Variants in AMPH observed in about 807,000 individuals in gnomAD.
AMPH encodes the protein amphiphysin.
Under a neutral mutation model 99.1 loss-of-function variants are expected in AMPH, and 49 were observed. That is an observed-to-expected ratio of 0.49 (90% CI 0.39 to 0.63). AMPH has a LOEUF of 0.63. Ranked by LOEUF, AMPH falls within the 20% of genes least tolerant of loss-of-function variation. AMPH has a pLI of 0.00. For synonymous variants in AMPH, 314 were observed against 317.3 expected (o/e 0.99, Z 0.11); for missense variants, 759 against 863.4 (o/e 0.88, Z 1.52).
At chr7:38,437,088 G>C (rs1005700985) in intron 11 of AMPH, among the ~76,000 whole-genome samples, 2 of 152,172 alleles carry the variant, frequency 1.3e-5, no homozygotes, top group Admixed American at 6.5e-5. Context: ...AGCCAAATAA[G>C]ACACAGGACG....
chr7:38,542,607 AT>A (rs1325888127), intron 1 of AMPH, among the ~76,000 whole-genome samples: 3 of 152,258 alleles, frequency 2.0e-5, no homozygotes, highest in East Asian at 3.9e-4. Context: ...TCTGTTCCTG[AT>A]TGCTTTATAC....
At chr7:38,469,366 G>A (rs1452835592) in intron 7 of AMPH, among the ~76,000 whole-genome samples, 1 of 152,030 alleles carries the variant, frequency 6.6e-6, no homozygotes, top group Admixed American at 6.6e-5. Flanking sequence ...ATGTTTCTTT[G>A]TTCTCAGAAA....
At chr7:38,626,726 A>G (rs1392521911) in intron 1 of AMPH, among the ~76,000 whole-genome samples, 4 of 152,244 alleles carry the variant, frequency 2.6e-5, no homozygotes, top group Non-Finnish European at 4.4e-5. Flanking sequence ...GCTTCTGCAC[A>G]GCAAAAGAAA....
intron 1 of AMPH, among the ~76,000 whole-genome samples, chr7:38,553,690 C>A (rs1252411141): frequency 1.3e-5 from 2 of 152,156 alleles, no homozygotes; most frequent in East Asian, 1.9e-4. Context: ...CTTCATGGGG[C>A]CTTGAGTATT....
At chr7:38,566,933 T>C (rs1257774881) in intron 1 of AMPH, among the ~76,000 whole-genome samples, 1 of 152,194 alleles carries the variant, frequency 6.6e-6, no homozygotes, top group Non-Finnish European at 1.5e-5. Context: ...GCTTTTACAC[T>C]GTTGGTGGGC....
chr7:38,471,962 G>A (rs1008816269), intron 7 of AMPH, among the ~76,000 whole-genome samples: 8 of 151,956 alleles, frequency 5.3e-5, no homozygotes, highest in Non-Finnish European at 1.0e-4. Context: ...TAACAAAAGA[G>A]CCCTAAAATA....
Position 38,422,587 on chromosome 7 carries a change from TATCTATCTATCTATCC to T in AMPH, c.1216-126_1216-111del, listed in dbSNP as rs878876425. 7.2e-6 allele frequency: 5 copies of T among 691,934 alleles called. No homozygotes were observed. In the Admixed American group the frequency reaches 7.9e-5, roughly 11 times the overall value. 42.9% of individuals were successfully genotyped at this position (691,934 alleles called of 1,614,324 possible). On this transcript the variant is annotated intron_variant, in intron 15 of 20. Transcript: ENST00000356264. ...CTATCTATCTATCTATCTATCTATC[TATCTATCTATCTATCC>T]ATCTATCTATCGACACTCTATCTAT...
At chr7:38,567,891 A>T (rs967384258) in intron 1 of AMPH, among the ~76,000 whole-genome samples, 6 of 152,176 alleles carry the variant, frequency 3.9e-5, no homozygotes, top group African/African-American at 1.4e-4. Context: ...TTTTGATAGC[A>T]CTTAAAATTA....
chr7:38,528,076 C>T (rs1021838668), intron 2 of AMPH, among the ~76,000 whole-genome samples: 2 of 152,138 alleles, frequency 1.3e-5, no homozygotes, highest in African/African-American at 4.8e-5. Flanking sequence ...AAACCAGCCT[C>T]GCATATCCTG....
intron 17 of AMPH, among the ~76,000 whole-genome samples, chr7:38,394,950 C>T (rs77381589): frequency 3.9e-5 from 6 of 152,214 alleles, no homozygotes; most frequent in Admixed American, 6.5e-5. Flanking sequence ...AAAAAGCACA[C>T]GTCACAGATC....
intron 17 of AMPH, among the ~76,000 whole-genome samples, chr7:38,398,731 A>C (rs1784757288): frequency 6.6e-6 from 1 of 152,248 alleles, no homozygotes; most frequent in Non-Finnish European, 1.5e-5. Context: ...ATGCTTAAGG[A>C]GGTGATAGAT....
At chr7:38,506,270 G>C (rs1273224139) in intron 2 of AMPH, among the ~76,000 whole-genome samples, 1 of 152,202 alleles carries the variant, frequency 6.6e-6, no homozygotes, top group Non-Finnish European at 1.5e-5. Flanking sequence ...GAAATGTGGA[G>C]AGAGGCTGAA....
At chr7:38,549,206 C>T (rs1239093635) in intron 1 of AMPH, among the ~76,000 whole-genome samples, 1 of 152,174 alleles carries the variant, frequency 6.6e-6, no homozygotes, top group African/African-American at 2.4e-5. Flanking sequence ...GTTGTTTTCC[C>T]CTTTTAATGA....
rs1784508096 is a variant in AMPH, at chr7:38,391,892, G to A, written c.1734C>T (p.Thr578=). 1 of 1,612,750 alleles carries A rather than the reference G, an allele frequency of 6.2e-7. No individual in the cohort carries two copies. The highest frequency in any genetic ancestry group is 8.5e-7 in the Non-Finnish European group (1 of 1,179,794). ...CCGTAGCCAGCTCCGGTGTCTCGCTGGTGGGGCCCGGAGGAGCCGCGTCCT... is the reference window on the plus strand; with the variant it reads ...CCGTAGCCAGCTCCGGTGTCTCGCTAGTGGGGCCCGGAGGAGCCGCGTCCT... ...TTEDAAPPGP[T]SETPELATEQ... is the part of the protein sequence containing the mutation. Residue 578 remains threonine, a synonymous_variant, in exon 19 of 21, where the codon ACC becomes ACT. Transcript: ENST00000356264.
At chr7:38,596,866 T>C (rs987753867) in intron 1 of AMPH, among the ~76,000 whole-genome samples, 1 of 152,122 alleles carries the variant, frequency 6.6e-6, no homozygotes, top group East Asian at 1.9e-4. Flanking sequence ...TATCTCTCTG[T>C]TTTCAGCCCA....
In AMPH at chr7:38,384,484, C is replaced by A. The variant is rs188987672; in HGVS notation, c.*334G>T. On this transcript the variant is annotated 3_prime_UTR_variant, in exon 21 of 21. Transcript: ENST00000356264. ...TCTTCTGCAGGGCAGCCACTCAATACGATACACCTGATGCAGAGAAATTAA... is the reference window on the plus strand; with the variant it reads ...TCTTCTGCAGGGCAGCCACTCAATAAGATACACCTGATGCAGAGAAATTAA... 2.5e-4 allele frequency: 56 copies of A among 224,816 alleles called. No individual in the cohort carries two copies. The highest frequency in any genetic ancestry group is 4.4e-4 in the Non-Finnish European group (48 of 108,784). The allele number at this position is 224,816 out of a possible 1,614,324, so 13.9% of individuals were successfully genotyped here.
chr7:38,463,120 G>C lies in AMPH; in HGVS notation c.750-7C>G, dbSNP rs762322837. The C allele has an allele frequency of 6.8e-6, 11 of 1,613,902 alleles. No homozygotes were observed. Among genetic ancestry groups the C allele is most frequent in the Non-Finnish European group, 9.3e-6 (11 of 1,179,850 alleles). The stretch of plus-strand genomic sequence containing the variant: ...GCGGAGAGGACCCGAATCACTAGAG[G>C]AACACAGGGGATTGGGCAAGGGGCC... On this transcript the variant is annotated splice_polypyrimidine_tract_variant and splice_region_variant and intron_variant, in intron 9 of 20. Coordinates refer to ENST00000356264, the MANE Select transcript of AMPH (RefSeq NM_001635.4).
intron 5 of AMPH, among the ~76,000 whole-genome samples, chr7:38,484,808 CAA>C (rs1788426989): frequency 6.6e-6 from 1 of 151,322 alleles, no homozygotes; most frequent in Non-Finnish European, 1.5e-5. Flanking sequence ...TATGGAAACA[CAA>C]TATAAATATA....
chr7:38,407,830 C>G (rs1462639632), intron 17 of AMPH, among the ~76,000 whole-genome samples: 1 of 152,154 alleles, frequency 6.6e-6, no homozygotes, highest in Admixed American at 6.5e-5. Flanking sequence ...CCACTGAATT[C>G]AAGGCTTACT....
Sources: gnomAD v4.1 joint callset for allele counts (sites outside exome capture counted in the v4.1 genomes callset) on GRCh38, gnomAD v4.1.1 for gene constraint, MANE v1.5 for transcripts, NCBI Gene and HGNC (gene_info 2026-07-23, HGNC 2026-07-21) for gene names.